The following ASAP1 variants were observed in gnomAD, a reference collection of about 807,000 sequenced individuals.
ASAP1 encodes the protein arf-GAP with SH3 domain, ANK repeat and PH domain-containing protein 1.
A neutral mutation model predicts 145.2 loss-of-function variants in ASAP1; 43 were observed. The ratio of observed to expected loss-of-function variants is 0.30; its 90% CI spans 0.23 to 0.38. ASAP1 has a LOEUF of 0.38. Ranked by LOEUF, ASAP1 falls within the 10% of genes least tolerant of loss-of-function variation. The pLI is 1.00. For missense variants in ASAP1, 1,018 were observed against 1,355.3 expected (o/e 0.75, Z 3.91); for synonymous variants, 546 against 515.5 (o/e 1.06, Z -0.80).
intron 3 of ASAP1, among the ~76,000 whole-genome samples, chr8:130,267,796 C>A (rs1820348147): frequency 6.6e-6 from 1 of 152,104 alleles, no homozygotes; most frequent in African/African-American, 2.4e-5. Flanking sequence ...GAAAATCTTC[C>A]CGTAAGTAGT....
intron 2 of ASAP1, among the ~76,000 whole-genome samples, chr8:130,368,784 C>T (rs1411075479): frequency 6.6e-6 from 1 of 152,196 alleles, no homozygotes; most frequent in East Asian, 1.9e-4. Flanking sequence ...GCGGGAGAGT[C>T]GTGGTGACCT....
chr8:130,408,751 T>C (rs1190342701), intron 1 of ASAP1, among the ~76,000 whole-genome samples: 2 of 152,210 alleles, frequency 1.3e-5, no homozygotes, highest in African/African-American at 4.8e-5. Flanking sequence ...ACTGTGATTG[T>C]CTGAATTTTA....
chr8:130,388,409 T>G (rs1828123646), intron 2 of ASAP1, among the ~76,000 whole-genome samples: 1 of 152,172 alleles, frequency 6.6e-6, no homozygotes, highest in African/African-American at 2.4e-5. Context: ...AGGAGAATAA[T>G]CCATGTTGGA....
At chr8:130,366,065 G>A (rs1454058001) in intron 2 of ASAP1, among the ~76,000 whole-genome samples, 4 of 152,178 alleles carry the variant, frequency 2.6e-5, no homozygotes, top group African/African-American at 7.2e-5. Flanking sequence ...AGTGTTCCCT[G>A]ACAGATTTGT....
chr8:130,192,068 A>G (rs1466908682), intron 5 of ASAP1, among the ~76,000 whole-genome samples: 1 of 151,984 alleles, frequency 6.6e-6, no homozygotes, highest in Non-Finnish European at 1.5e-5. Context: ...TTCTTATTTC[A>G]AAGACAAAGG....
At position 130,305,335 on chromosome 8, in the gene ASAP1, CAATT is replaced by C. The variant is rs1221997191; in HGVS notation, c.186+52678_186+52681del. On this transcript the variant is annotated intron_variant, in intron 3 of 29. Coordinates refer to ENST00000518721, the MANE Select transcript of ASAP1 (RefSeq NM_018482.4). ...CAATTCCTGCCACATTGTAGGTACTCAATTAATGAAAGATTCGTTCACTGTTTTT... is the reference window on the plus strand; with the variant it reads ...CAATTCCTGCCACATTGTAGGTACTCAATGAAAGATTCGTTCACTGTTTTT... Among the ~76,000 whole-genome samples the C allele has an allele frequency of 9.2e-5, 14 of 152,310 alleles. 1 individual carries two copies. Among genetic ancestry groups the C allele is most frequent in the African/African-American group, 3.4e-4 (14 of 41,572 alleles).
intron 5 of ASAP1, among the ~76,000 whole-genome samples, chr8:130,201,252 T>G (rs564006349): frequency 6.6e-6 from 1 of 152,310 alleles, no homozygotes; most frequent in East Asian, 1.9e-4. Flanking sequence ...GCCTATGGTC[T>G]AAGGCATAAT....
At chr8:130,243,444 A>ACT (rs760918721) in intron 3 of ASAP1, among the ~76,000 whole-genome samples, 1 of 151,644 alleles carries the variant, frequency 6.6e-6, no homozygotes, top group East Asian at 1.9e-4. Context: ...ACACATACAC[A>ACT]CTCTCTCTCT....
At chr8:130,411,216 A>G (rs556562061) in intron 1 of ASAP1, among the ~76,000 whole-genome samples, 1 of 152,250 alleles carries the variant, frequency 6.6e-6, no homozygotes, top group South Asian at 2.1e-4. Context: ...ATGCCCACAC[A>G]CAATGCCTTG....
intron 1 of ASAP1, among the ~76,000 whole-genome samples, chr8:130,438,352 C>T (rs939180225): frequency 1.3e-5 from 2 of 152,222 alleles, no homozygotes; most frequent in Non-Finnish European, 2.9e-5. Context: ...TCAGACGGAT[C>T]TGTCCTAATC....
rs548650275 is a variant in ASAP1, at chr8:130,437,163, G to T, written c.-28+6297C>A. On this transcript the variant is annotated intron_variant, in intron 1 of 29. Transcript: ENST00000518721. ...TCGATGAAAAAAGTTCAACAAATGT[G>T]GTAACACAGCTAAGCAGCTGAAGCC... Among the ~76,000 whole-genome samples the T allele has an allele frequency of 3.9e-5, 6 of 152,050 alleles. No individual in the cohort carries two copies. In the South Asian group the frequency reaches 8.4e-4, roughly 21 times the overall value.
intron 3 of ASAP1, among the ~76,000 whole-genome samples, chr8:130,253,498 G>A (rs1348515853): frequency 1.3e-5 from 2 of 152,128 alleles, no homozygotes; most frequent in African/African-American, 4.8e-5. Flanking sequence ...ACTATAGAAG[G>A]AAAAGAAAAG....
At chr8:130,204,665 C>CGCTTCT (rs1461557047) in intron 5 of ASAP1, among the ~76,000 whole-genome samples, 2 of 152,146 alleles carry the variant, frequency 1.3e-5, no homozygotes, top group African/African-American at 4.8e-5. Flanking sequence ...AGTATGCATA[C>CGCTTCT]GCTTCTCTAG....
chr8:130,127,422 G>C (rs1046142597), intron 16 of ASAP1, among the ~76,000 whole-genome samples: 1 of 152,134 alleles, frequency 6.6e-6, no homozygotes, highest in Non-Finnish European at 1.5e-5. Context: ...TCACCATGTT[G>C]GCCAGGCTGG....
chr8:130,265,868 A>C (rs1586715999), intron 3 of ASAP1, among the ~76,000 whole-genome samples: 1 of 152,188 alleles, frequency 6.6e-6, no homozygotes, highest in East Asian at 1.9e-4. Context: ...GGCGAAAGTG[A>C]AACTGTCTCC....
Position 130,072,830 on chromosome 8 carries a change from C to CGCGCGCGCGCACGCGCGG in ASAP1, c.2701+3517_2701+3518insCCGCGCGTGCGCGCGCGC, listed in dbSNP as rs1448184178. On this transcript the variant is annotated intron_variant, in intron 27 of 29. Coordinates refer to ENST00000518721, the MANE Select transcript of ASAP1 (RefSeq NM_018482.4). ...GTGTGTGTGTGTGTGTGTGTGCGCG[C>CGCGCGCGCGCACGCGCGG]GGGGGGGGGCAGTTTTGGGGACTGA... 4.1e-4 allele frequency among the ~76,000 whole-genome samples: 13 copies of CGCGCGCGCGCACGCGCGG among 31,920 alleles called. No homozygotes were observed. The South Asian group carries it at 6.7e-3, about 16-fold the overall frequency. 20.9% of individuals were successfully genotyped at this position (31,920 alleles called of 152,430 possible). A position where few individuals can be genotyped will look rare whatever the true frequency, so the allele number is the denominator to read the frequency against.
At chr8:130,403,339 T>C (rs1004071288) in intron 1 of ASAP1, among the ~76,000 whole-genome samples, 12 of 152,048 alleles carry the variant, frequency 7.9e-5, no homozygotes, top group Non-Finnish European at 1.5e-4. Flanking sequence ...CACTTAACAA[T>C]TGAGTGATAT....
At chr8:130,194,386 A>G (rs932496654) in intron 5 of ASAP1, among the ~76,000 whole-genome samples, 10 of 152,144 alleles carry the variant, frequency 6.6e-5, no homozygotes, top group African/African-American at 2.4e-4. Context: ...GGGAGCAAAA[A>G]AAAAAAAATC....
chr8:130,418,321 G>A (rs1008620625), intron 1 of ASAP1, among the ~76,000 whole-genome samples: 51 of 152,142 alleles, frequency 3.4e-4, no homozygotes, highest in African/African-American at 4.8e-5. Flanking sequence ...AGGGCCAGGC[G>A]GGCGGATCAT....
Sources: gnomAD v4.1 joint callset for allele counts (sites outside exome capture counted in the v4.1 genomes callset) on GRCh38, gnomAD v4.1.1 for gene constraint, MANE v1.5 for transcripts, NCBI Gene and HGNC (gene_info 2026-07-23, HGNC 2026-07-21) for gene names.